Variants in SPATA9 observed in about 807,000 individuals in gnomAD.
SPATA9 encodes the protein spermatogenesis associated 9.
A neutral mutation model predicts 25.5 loss-of-function variants in SPATA9; 27 were observed. The ratio of observed to expected loss-of-function variants is 1.06; its 90% CI spans 0.78 to 1.46. The LOEUF is 1.46. SPATA9 is among the 40% of genes most tolerant of loss of function. The probability of loss-of-function intolerance (pLI) is 0.00; values close to 1 mark genes in which losing one functional copy is unlikely to be tolerated. For synonymous variants in SPATA9, 102 were observed against 105.7 expected (o/e 0.97, Z 0.21); for missense variants, 282 against 297.5 (o/e 0.95, Z 0.38).
chr5:95,683,395 T>A (rs758289999), upstream of SPATA9, among the ~76,000 whole-genome samples: 44 of 152,172 alleles, frequency 2.9e-4, no homozygotes, highest in Admixed American at 2.0e-3. Context: ...CTCTGCTTTA[T>A]AATCTCAATC....
chr5:95,673,318 G>A (rs1752592578), intron 3 of SPATA9, among the ~76,000 whole-genome samples: 1 of 152,136 alleles, frequency 6.6e-6, no homozygotes, highest in Admixed American at 6.5e-5. Flanking sequence ...TCTGGCTGAT[G>A]CTTTTGCTGT....
At chr5:95,710,814 G>C in the SPATA9 span, among the ~76,000 whole-genome samples, 1 of 152,134 alleles carries the variant, frequency 6.6e-6, no homozygotes, top group African/African-American at 2.4e-5. Context: ...AGCCTTTTCA[G>C]CTGCCTGTGT....
chr5:95,682,798 T>C lies in SPATA9; in HGVS notation c.57A>G (p.Gly19=). 1.9e-6 allele frequency: 3 copies of C among 1,544,924 alleles called. No individual in the cohort carries two copies. In the South Asian group the frequency reaches 3.9e-5, roughly 20 times the overall value. ...TTACAACAAGATTGTGTATACTTCT[T>C]CCAGAAAAGTTCTTCAACACCTGCC... ...ICGQVLKNFS[G]RIEGIQKAIM... is the part of the protein sequence containing the mutation. The change falls in exon 1 of 5, where the codon GGA becomes GGG. Residue 19 remains glycine (G), a synonymous_variant. Transcript: ENST00000274432.
chr5:95,707,248 G>T, the SPATA9 span, among the ~76,000 whole-genome samples: 1 of 152,168 alleles, frequency 6.6e-6, no homozygotes, highest in Non-Finnish European at 1.5e-5. Context: ...CTTGGAGGAA[G>T]AATGAATGTG....
intron 4 of SPATA9, among the ~76,000 whole-genome samples, chr5:95,659,976 TG>T (rs1205415691): frequency 3.3e-5 from 5 of 152,212 alleles, no homozygotes; most frequent in African/African-American, 1.2e-4. Flanking sequence ...AGTATTGTGA[TG>T]CTTGATCATG....
chr5:95,688,206 T>C (rs1375896453), intron 1 of SPATA9, among the ~76,000 whole-genome samples: 1 of 152,178 alleles, frequency 6.6e-6, no homozygotes, highest in African/African-American at 2.4e-5. Flanking sequence ...ATGGTGTGTA[T>C]ATACCATAGA....
At chr5:95,687,879 AC>A (rs548813697), upstream of SPATA9, among the ~76,000 whole-genome samples, 57 of 152,294 alleles carry the variant, frequency 3.7e-4, no homozygotes, top group South Asian at 7.7e-3. Flanking sequence ...CAATACCTAG[AC>A]AGTGCTTTTA....
chr5:95,704,009 G>C, the SPATA9 span, among the ~76,000 whole-genome samples: 1 of 151,880 alleles, frequency 6.6e-6, no homozygotes, highest in Non-Finnish European at 1.5e-5. Flanking sequence ...ACTGACAAAC[G>C]TGCATGCAGA....
intron 1 of SPATA9, among the ~76,000 whole-genome samples, chr5:95,694,896 A>C (rs1437519245): frequency 6.6e-6 from 1 of 152,164 alleles, no homozygotes; most frequent in Non-Finnish European, 1.5e-5. Flanking sequence ...CAGCGATGGC[A>C]CCAGAGGAAG....
the SPATA9 span, among the ~76,000 whole-genome samples, chr5:95,715,103 T>A: frequency 3.0e-4 from 46 of 151,902 alleles, no homozygotes; most frequent in Admixed American, 1.0e-3. Flanking sequence ...AGGCGGGCAG[T>A]TCACGAGGTC....
intron 4 of SPATA9, 55 bp downstream of exon 4, chr5:95,663,892 TATTAAC>T (rs1350651503): frequency 7.7e-5 from 74 of 955,114 alleles, no homozygotes; most frequent in Non-Finnish European, 1.1e-4. Flanking sequence ...TGCACAGTAT[TATTAAC>T]ATTACACAAA....
chr5:95,680,509 T>A (rs1753351201), intron 2 of SPATA9, among the ~76,000 whole-genome samples: 1 of 152,218 alleles, frequency 6.6e-6, no homozygotes, highest in East Asian at 1.9e-4. Context: ...TCAATGGCTT[T>A]CATAGAATTT....
chr5:95,728,438 T>G, the SPATA9 span, among the ~76,000 whole-genome samples: 1 of 152,208 alleles, frequency 6.6e-6, no homozygotes, highest in African/African-American at 2.4e-5. Context: ...ATTCTTAATC[T>G]ATTAAGACCT....
chr5:95,729,430 C>G, the SPATA9 span, among the ~76,000 whole-genome samples: 1 of 152,174 alleles, frequency 6.6e-6, no homozygotes, highest in Admixed American at 6.5e-5. Flanking sequence ...TTGTCAGCAA[C>G]TTTGGTGTCT....
intron 2 of SPATA9, 139 bp from the exon 3 acceptor site, chr5:95,675,778 C>G (rs2112646570): frequency 1.5e-6 from 1 of 645,614 alleles, no homozygotes; most frequent in East Asian, 2.9e-5. Flanking sequence ...TATTTCTGTC[C>G]CCCCATGAAA....
intron 1 of SPATA9, among the ~76,000 whole-genome samples, chr5:95,695,650 T>C (rs1182670589): frequency 1.3e-5 from 2 of 152,306 alleles, no homozygotes; most frequent in East Asian, 3.9e-4. Flanking sequence ...TGTTGAGAAC[T>C]CCCTAATAGC....
chr5:95,687,890 A>C (rs960439665), upstream of SPATA9, among the ~76,000 whole-genome samples: 1 of 152,232 alleles, frequency 6.6e-6, no homozygotes, highest in Non-Finnish European at 1.5e-5. Flanking sequence ...CAGTGCTTTT[A>C]CATGATAGGC....
intron 3 of SPATA9, among the ~76,000 whole-genome samples, chr5:95,670,083 G>A (rs1037140703): frequency 3.9e-5 from 6 of 152,116 alleles, no homozygotes; most frequent in East Asian, 3.9e-4. Context: ...CATTCCTGCC[G>A]GTTGGGTCTT....
intron 3 of SPATA9, among the ~76,000 whole-genome samples, chr5:95,673,657 T>A (rs1296133992): frequency 1.3e-5 from 2 of 152,204 alleles, no homozygotes; most frequent in Non-Finnish European, 2.9e-5. Context: ...AAACATTAGG[T>A]TTAGAAAGAT....
Sources: allele counts gnomAD v4.1 joint callset (sites outside exome capture counted in the v4.1 genomes callset), GRCh38; gene constraint gnomAD v4.1.1; transcripts MANE v1.5; gene names NCBI Gene and HGNC (gene_info 2026-07-23, HGNC 2026-07-21).